DIS3L2: variants seen among roughly 807,000 people sequenced by gnomAD.
DIS3L2 encodes the protein DIS3-like exonuclease 2.
A neutral mutation model predicts 97.5 loss-of-function variants in DIS3L2; 34 were observed. That is an observed-to-expected ratio of 0.35 (90% confidence interval 0.27 to 0.46). DIS3L2 has a LOEUF of 0.46. DIS3L2 is among the 20% of genes least tolerant of loss of function. DIS3L2 has a pLI of 1.00. For missense variants in DIS3L2, 1,038 were observed against 1,146.0 expected, an observed-to-expected ratio of 0.91 and a Z score of 1.36; for synonymous variants, 435 against 445.2, an observed-to-expected ratio of 0.98 and a Z score of 0.29.
intron 9 of DIS3L2, among the ~76,000 whole-genome samples, chr2:232,166,115 T>TAAATAAATAAATAAAA (rs1426321045): frequency 7.1e-6 from 1 of 141,230 alleles, no homozygotes; most frequent in East Asian, 2.1e-4. Context: ...AATAAATAAA[T>TAAATAAATAAATAAAA]AAAATATTAG....
At chr2:232,015,856 G>A (rs1359828103) in intron 3 of DIS3L2, 185 bp downstream of exon 3, 2 of 559,412 alleles carry the variant, frequency 3.6e-6, no homozygotes, top group Non-Finnish European at 3.0e-6. Flanking sequence ...AGTACATTTA[G>A]AGGTAATAAG....
chr2:232,204,377 T>C (rs569395871), intron 9 of DIS3L2, among the ~76,000 whole-genome samples: 1 of 152,336 alleles, frequency 6.6e-6, no homozygotes, highest in African/African-American at 2.4e-5. Context: ...ATAGAAGACT[T>C]ACTCTTCATG....
chr2:232,114,795 C>T (rs1697650242), intron 6 of DIS3L2, among the ~76,000 whole-genome samples: 1 of 152,170 alleles, frequency 6.6e-6, no homozygotes, highest in Non-Finnish European at 1.5e-5. Flanking sequence ...AGAAAAGTAT[C>T]TGGAAGTGTC....
intron 12 of DIS3L2, among the ~76,000 whole-genome samples, chr2:232,258,598 CAAAAAA>C (rs35525137): frequency 1.7e-4 from 13 of 74,644 alleles, no homozygotes; most frequent in African/African-American, 3.8e-4. Context: ...GACTCTGTCT[CAAAAAA>C]AAAAAAAAAA....
intron 3 of DIS3L2, among the ~76,000 whole-genome samples, chr2:232,018,912 A>G (rs1426958547): frequency 1.3e-5 from 2 of 152,178 alleles, no homozygotes; most frequent in Non-Finnish European, 2.9e-5. Flanking sequence ...ACATCAAAAA[A>G]TGTATTTCAT....
rs753830826 is a variant in DIS3L2 at position 232,163,620 on chromosome 2, G to T, written c.1112G>T (p.Arg371Ile). The T allele has an allele frequency of 9.9e-6, 16 of 1,613,476 alleles. No individual in the cohort carries two copies. Among genetic ancestry groups the T allele is most frequent in the Non-Finnish European group, 1.4e-5 (16 of 1,179,974 alleles). Residue 371 changes from arginine to isoleucine, a missense_variant, in exon 9 of 21, where the codon AGA (arginine) becomes ATA (isoleucine). Physicochemically the swap from Arg to Ile is moderately conservative, Grantham distance 97. Coordinates refer to ENST00000325385, the MANE Select transcript of DIS3L2 (RefSeq NM_152383.5). ...WTIPPEEFSK[R>I]RDLRKDCIFT... ...ATTCCACCAGAGGAGTTCAGCAAGA[G>T]AAGGGATTTAAGGTAAGCACCTGAA...
At chr2:232,086,320 T>C (rs1247864596) in intron 5 of DIS3L2, among the ~76,000 whole-genome samples, 2 of 147,436 alleles carry the variant, frequency 1.4e-5, no homozygotes, top group Non-Finnish European at 3.0e-5. Context: ...TATATGTATA[T>C]GCATATGCAT....
chr2:231,987,947 G>A (rs545115787), intron 1 of DIS3L2, among the ~76,000 whole-genome samples: 9 of 152,168 alleles, frequency 5.9e-5, no homozygotes, highest in African/African-American at 1.9e-4. Context: ...GGGTTCAAGC[G>A]ATTCTCCTGC....
At chr2:232,343,579 A>G (rs2106364141) in exon 14 of DIS3L2, 1 of 1,575,500 alleles carries the variant, frequency 6.3e-7, no homozygotes, top group Middle Eastern at 1.7e-4. Context: ...GATTTGAAGA[A>G]GCATGTGGAA....
chr2:231,980,319 C>A (rs577449149), intron 1 of DIS3L2, among the ~76,000 whole-genome samples: 2 of 152,168 alleles, frequency 1.3e-5, no homozygotes, highest in Non-Finnish European at 2.9e-5. Context: ...GAGCATCTTT[C>A]CATAAGCTCA....
intron 9 of DIS3L2, among the ~76,000 whole-genome samples, chr2:232,190,426 C>G (rs543556473): frequency 1.3e-5 from 2 of 152,110 alleles, no homozygotes; most frequent in African/African-American, 4.8e-5. Flanking sequence ...CCTTGAATTG[C>G]GTCAGTAACT....
chr2:232,027,062 C>G (rs2106236277), intron 4 of DIS3L2, among the ~76,000 whole-genome samples: 1 of 152,290 alleles, frequency 6.6e-6, no homozygotes, highest in Admixed American at 6.5e-5. Context: ...GACACGGGAA[C>G]AGTCCTACAT....
chr2:232,112,833 A>G (rs1348710716), intron 6 of DIS3L2, among the ~76,000 whole-genome samples: 2 of 152,130 alleles, frequency 1.3e-5, no homozygotes, highest in Non-Finnish European at 2.9e-5. Flanking sequence ...AAAAAGGGAG[A>G]GAAAAAAAGA....
In DIS3L2 at chr2:232,065,131, AC is replaced by A. The variant is rs146196740; in HGVS notation, c.367-22353del. Among the ~76,000 whole-genome samples the A allele has an allele frequency of 3.3e-3, 497 of 152,078 alleles. 1 individual carries two copies. Among genetic ancestry groups the A allele is most frequent in the Non-Finnish European group, 4.7e-3 (317 of 67,930 alleles). On this transcript the variant is annotated intron_variant, in intron 5 of 20. Transcript: ENST00000325385. ...GTGGTAAGAACACTTAACTTGATCT[AC>A]CCTCTTACCAAAGTTTTAAGTGCAT...
intron 9 of DIS3L2, among the ~76,000 whole-genome samples, chr2:232,196,070 G>A (rs1440051523): frequency 6.6e-6 from 1 of 152,048 alleles, no homozygotes; most frequent in African/African-American, 2.4e-5. Context: ...TTCTTTTATT[G>A]TCAAACTTTT....
At chr2:232,236,603 G>C (rs1036068316) in intron 10 of DIS3L2, among the ~76,000 whole-genome samples, 2 of 152,120 alleles carry the variant, frequency 1.3e-5, no homozygotes, top group African/African-American at 4.8e-5. Flanking sequence ...TAGGATCCCA[G>C]GAGAGAGACC....
intron 5 of DIS3L2, among the ~76,000 whole-genome samples, chr2:232,058,855 G>A (rs1695620338): frequency 6.6e-6 from 1 of 152,182 alleles, no homozygotes; most frequent in South Asian, 2.1e-4. Flanking sequence ...AAGCATTGCA[G>A]AATTAAATGT....
chr2:232,111,804 T>A (rs1697542308), intron 6 of DIS3L2, among the ~76,000 whole-genome samples: 1 of 152,162 alleles, frequency 6.6e-6, no homozygotes, highest in African/African-American at 2.4e-5. Flanking sequence ...TCCTGATGGA[T>A]ATGAACAAGG....
At chr2:232,030,714 G>A (rs1177436097) in intron 5 of DIS3L2, among the ~76,000 whole-genome samples, 1 of 152,218 alleles carries the variant, frequency 6.6e-6, no homozygotes, top group African/African-American at 2.4e-5. Flanking sequence ...TTGGAATGAT[G>A]TGTGGTGACA....
Sources: allele counts gnomAD v4.1 joint callset (sites outside exome capture counted in the v4.1 genomes callset), GRCh38; gene constraint gnomAD v4.1.1; transcripts MANE v1.5; gene names NCBI Gene and HGNC (gene_info 2026-07-23, HGNC 2026-07-21).